Variants in FRS3 observed in about 807,000 individuals in gnomAD.
FRS3 encodes FGFR substrate 3.
FRS3 carries 17 observed loss-of-function variants against 41.9 expected under a neutral mutation model. The observed-to-expected ratio is 0.41, with a 90% CI of 0.28 to 0.61. The LOEUF is 0.61. Among genes scored for constraint, FRS3 ranks in the 20% least tolerant of loss-of-function variants. The pLI is 0.36. For synonymous variants in FRS3, 287 were observed against 274.5 expected (o/e 1.05, Z -0.45); for missense variants, 619 against 672.1 (o/e 0.92, Z 0.87).
At chr6:41,779,403 GA>G (rs879039299) in intron 1 of FRS3, among the ~76,000 whole-genome samples, 4 of 152,096 alleles carry the variant, frequency 2.6e-5, no homozygotes, top group Admixed American at 2.0e-4. Context: ...GGAGAATGGG[GA>G]TATGAGGGAT....
chr6:41,770,479 G>C lies in FRS3; in HGVS notation c.*140C>G. 1 of 742,144 alleles carries C rather than the reference G, an allele frequency of 1.3e-6. No individual in the cohort carries two copies. The highest frequency in any genetic ancestry group is 1.8e-5 in the South Asian group (1 of 57,072). 46.0% of individuals were successfully genotyped at this position (742,144 alleles called of 1,614,324 possible). On this transcript the variant is annotated 3_prime_UTR_variant, in exon 7 of 7. Transcript: ENST00000373018. Reference sequence around the variant, plus strand: ...CTGATATCTCTGGGGACTCCAGCCAGCACAGGGAAGCATCTGGTCCCACCT... The same window carrying C: ...CTGATATCTCTGGGGACTCCAGCCACCACAGGGAAGCATCTGGTCCCACCT...
chr6:41,774,013 G>C (rs1428745710), intron 4 of FRS3, among the ~76,000 whole-genome samples: 1 of 151,922 alleles, frequency 6.6e-6, no homozygotes, highest in Admixed American at 6.6e-5. Flanking sequence ...GCAGTGGTGC[G>C]ATCTCAGCTC....
rs373417869 is a variant in FRS3 at position 41,771,143 on chromosome 6, G to A, written c.955C>T (p.Leu319=). 1.0e-5 allele frequency: 16 copies of A among 1,562,054 alleles called. No homozygotes were observed. The highest frequency in any genetic ancestry group is 9.5e-5 in the African/African-American group (7 of 73,922). Reference sequence around the variant, plus strand: ...GGGGGCAGGTTCTCATAGTGCAGCAGGGCGGCCCGGCGGTGGGCAAGGCCA... The same window carrying A: ...GGGGGCAGGTTCTCATAGTGCAGCAAGGCGGCCCGGCGGTGGGCAAGGCCA... ...WNGLAHRRAA[L]LHYENLPPLP... Residue 319 remains leucine (L), a synonymous_variant, in exon 7 of 7, where the codon CTG becomes TTG. Coordinates refer to ENST00000373018, the MANE Select transcript of FRS3 (RefSeq NM_006653.5).
chr6:41,774,948 G>A (rs569503935), intron 4 of FRS3, among the ~76,000 whole-genome samples: 2 of 142,552 alleles, frequency 1.4e-5, no homozygotes, highest in Non-Finnish European at 3.1e-5. Context: ...TAGGAGCAAG[G>A]ATGCCTCTGC....
At position 41,770,818 on chromosome 6, in the gene FRS3, C is replaced by T. The variant is rs755660918; in HGVS notation, c.1280G>A (p.Gly427Glu). 1.2e-5 allele frequency: 20 copies of T among 1,610,666 alleles called. No homozygotes were observed. The highest frequency in any genetic ancestry group is 1.5e-5 in the Non-Finnish European group (18 of 1,179,424). ...YIQVELKGWG[G>E]DRPKGPQNPS... ...GTTCTGGGGCCCCTTAGGGCGGTCT[C>T]CACCCCAGCCCTTTAGCTCCACCTG... is the stretch of plus-strand genomic sequence containing the variant. Residue 427 changes from glycine to glutamate, a missense_variant, in exon 7 of 7, where the codon GGA (glycine) becomes GAA (glutamate). Transcript: ENST00000373018.
chr6:41,776,686 C>A, intron 3 of FRS3: 1 of 469,568 alleles, frequency 2.1e-6, no homozygotes, highest in Non-Finnish European at 3.8e-6. Context: ...GTTCCAAAAG[C>A]ACCATTATGG....
At chr6:41,773,562 CAAG>C (rs1319667808) in intron 4 of FRS3, among the ~76,000 whole-genome samples, 4 of 151,962 alleles carry the variant, frequency 2.6e-5, no homozygotes, top group Non-Finnish European at 4.4e-5. Context: ...TCAGGGGTCA[CAAG>C]AAGAGAATCA....
intron 4 of FRS3, among the ~76,000 whole-genome samples, chr6:41,773,798 G>A (rs533441817): frequency 5.3e-5 from 8 of 151,700 alleles, no homozygotes; most frequent in Non-Finnish European, 7.4e-5. Context: ...CTTGAACCTC[G>A]GAGGTGGAGG....
In FRS3 at chr6:41,770,480, C is replaced by A; in HGVS notation, c.*139G>T. 1 of 748,928 alleles carries A rather than the reference C, an allele frequency of 1.3e-6. No homozygotes were observed. The highest frequency in any genetic ancestry group is 2.7e-5 in the East Asian group (1 of 37,450). The allele number at this position is 748,928 out of a possible 1,614,324, so 46.4% of individuals were successfully genotyped here. Reference sequence around the variant, plus strand: ...TGATATCTCTGGGGACTCCAGCCAGCACAGGGAAGCATCTGGTCCCACCTC... The same window carrying A: ...TGATATCTCTGGGGACTCCAGCCAGAACAGGGAAGCATCTGGTCCCACCTC... On this transcript the variant is annotated 3_prime_UTR_variant, in exon 7 of 7. Transcript: ENST00000373018.
Position 41,772,806 on chromosome 6 carries a change from G to T in FRS3, c.407C>A (p.Pro136Gln). ...AELDLPRAPQ[P>Q]PNALGYTVSS... ...CACTGGGGTCTCCTCACCATTGGGT[G>T]GCTGGGGGGCTCGAGGGAGGTCAAG... Residue 136 changes from proline to glutamine, a missense_variant, in exon 5 of 7, where the codon CCA (proline) becomes CAA (glutamine). Physicochemically the swap from Pro to Gln is moderately conservative, Grantham distance 76. Around this residue, in one of 3 missense-constraint regions of FRS3, gnomAD observed 487 missense variants for 478.3 expected, o/e 1.02. Transcript: ENST00000373018. The T allele has an allele frequency of 1.2e-6, 2 of 1,607,186 alleles. No homozygotes were observed.
chr6:41,773,942 G>A (rs529096955), intron 4 of FRS3, among the ~76,000 whole-genome samples: 1 of 152,030 alleles, frequency 6.6e-6, no homozygotes, highest in African/African-American at 2.4e-5. Context: ...TATTAGATGA[G>A]TGAACATTCT....
chr6:41,773,418 T>C (rs1245730789), intron 4 of FRS3, among the ~76,000 whole-genome samples: 5 of 151,978 alleles, frequency 3.3e-5, no homozygotes, highest in African/African-American at 4.8e-5. Context: ...GCATTCTTTC[T>C]AGGTCTGCTC....
rs201584270 is a variant in FRS3, at chr6:41,771,177, C to T, written c.921G>A (p.Pro307=). 688 of 1,554,152 alleles carry T rather than the reference C, an allele frequency of 4.4e-4. 9 individuals carry two copies. The East Asian group carries it at 0.015, about 34-fold the overall frequency. The part of the protein sequence containing the change: ...GAGWRLSPEE[P]GWNGLAHRRA... ...GGCGGTGGGCAAGGCCATTCCAGCC[C>T]GGCTCCTCTGGGCTCAGTCTCCAGC... Residue 307 remains proline, a synonymous_variant, in exon 7 of 7, where the codon CCG becomes CCA. Coordinates refer to ENST00000373018, the MANE Select transcript of FRS3 (RefSeq NM_006653.5).
rs773439380 is a variant in FRS3 at position 41,770,774 on chromosome 6, G to T, written c.1324C>A (p.Pro442Thr). 1 of 1,612,966 alleles carries T rather than the reference G, an allele frequency of 6.2e-7. No individual in the cohort carries two copies. Reference sequence around the variant, plus strand: ...CGGGCAGGGTGGGTGGTGGGCATGGGGGCTTGGGGGCTCGAGGGGTTCTGG... The same window carrying T: ...CGGGCAGGGTGGGTGGTGGGCATGGTGGCTTGGGGGCTCGAGGGGTTCTGG... ...GPQNPSSPQA[P>T]MPTTHPARSS... is the part of the protein sequence containing the mutation. Residue 442 changes from proline to threonine, a missense_variant, in exon 7 of 7, where the codon CCC becomes ACC. This residue lies in a region of FRS3 where 487 missense variants were observed against 478.3 expected (regional missense o/e 1.02). Coordinates refer to ENST00000373018, the MANE Select transcript of FRS3 (RefSeq NM_006653.5).
intron 1 of FRS3, among the ~76,000 whole-genome samples, chr6:41,779,333 T>C (rs988081550): frequency 6.6e-6 from 1 of 151,546 alleles, no homozygotes; most frequent in Admixed American, 6.6e-5. Context: ...TGAAAACGTA[T>C]GAGGACGTTT....
At position 41,770,800 on chromosome 6, in the gene FRS3, G is replaced by C. The variant is rs200002633; in HGVS notation, c.1298C>G (p.Pro433Arg). 6.2e-7 allele frequency: 1 copy of C among 1,611,012 alleles called. No homozygotes were observed. Among genetic ancestry groups the C allele is most frequent in the East Asian group, 2.2e-5 (1 of 44,840 alleles). ...GGCTTGGGGGCTCGAGGGGTTCTGG[G>C]GCCCCTTAGGGCGGTCTCCACCCCA... is the stretch of plus-strand genomic sequence containing the variant. ...KGWGGDRPKG[P>R]QNPSSPQAPM... is the part of the protein sequence containing the mutation. The change falls in exon 7 of 7, where the codon CCC becomes CGC. Residue 433 changes from proline to arginine, a missense_variant. Around this residue, in one of 3 missense-constraint regions of FRS3, gnomAD observed 487 missense variants for 478.3 expected, o/e 1.02. Transcript: ENST00000373018.
At position 41,771,280 on chromosome 6, in the gene FRS3, T is replaced by C. The variant is rs2127298678; in HGVS notation, c.818A>G (p.Asn273Ser). 1 of 1,612,370 alleles carries C rather than the reference T, an allele frequency of 6.2e-7. No individual in the cohort carries two copies. Among genetic ancestry groups the C allele is most frequent in the Non-Finnish European group, 8.5e-7 (1 of 1,179,036 alleles). The change falls in exon 7 of 7, where the codon AAT (asparagine) becomes AGT (serine). Residue 273 changes from asparagine (N) to serine (S), a missense_variant. Asn to Ser is a conservative substitution (Grantham distance 46). Around this residue, in one of 3 missense-constraint regions of FRS3, gnomAD observed 487 missense variants for 478.3 expected, o/e 1.02. Coordinates refer to ENST00000373018, the MANE Select transcript of FRS3 (RefSeq NM_006653.5). ...LHDPPHHNNN[N>S]EAPSECPAQP... is the part of the protein sequence containing the mutation. ...GGCTGGACACTCAGAAGGGGCCTCA[T>C]TGTTATTATTGTGGTGTGGGGGGTC... is the stretch of plus-strand genomic sequence containing the variant.
intron 4 of FRS3, 23 bp from the exon 5 acceptor site, chr6:41,772,982 G>A (rs777438201): frequency 1.9e-6 from 3 of 1,610,834 alleles, no homozygotes; most frequent in South Asian, 2.2e-5. Flanking sequence ...AGGAAGAAAT[G>A]ACCCTAGGCA....
In FRS3 at chr6:41,775,477, A is replaced by G; in HGVS notation, c.195T>C (p.Tyr65=). The change falls in exon 4 of 7, where the codon TAT becomes TAC. Residue 65 remains tyrosine, a synonymous_variant. Coordinates refer to ENST00000373018, the MANE Select transcript of FRS3 (RefSeq NM_006653.5). The part of the protein sequence containing the change: ...VRWPYLCLRR[Y]GYDSNLFSFE... ...AGGAGAAGAGGTTGGAGTCGTAGCCATAGCGCCGCAAGCAGAGATAAGGCC... is the reference window on the plus strand; with the variant it reads ...AGGAGAAGAGGTTGGAGTCGTAGCCGTAGCGCCGCAAGCAGAGATAAGGCC... The G allele has an allele frequency of 6.2e-7, 1 of 1,613,896 alleles. No individual in the cohort carries two copies. Among genetic ancestry groups the G allele is most frequent in the East Asian group, 2.2e-5 (1 of 44,882 alleles).
Sources: gnomAD v4.1 joint callset for allele counts (sites outside exome capture counted in the v4.1 genomes callset) on GRCh38, gnomAD v4.1.1 for gene constraint, gnomAD v4.1.1 regional missense constraint, MANE v1.5 for transcripts, NCBI Gene and HGNC (gene_info 2026-07-23, HGNC 2026-07-21) for gene names.